DLG2: variants seen among roughly 807,000 people sequenced by gnomAD.
DLG2 encodes the protein disks large homolog 2.
A neutral mutation model predicts 132.5 loss-of-function variants in DLG2; 45 were observed. That is an observed-to-expected ratio of 0.34 (90% CI 0.27 to 0.44). DLG2 has a LOEUF of 0.44. Ranked by LOEUF, DLG2 falls within the 20% of genes least tolerant of loss-of-function variation. The probability of loss-of-function intolerance (pLI) is 1.00; values close to 1 mark genes in which losing one functional copy is unlikely to be tolerated. For synonymous variants in DLG2, 424 were observed against 419.6 expected (o/e 1.01, Z -0.13); for missense variants, 1,045 against 1,196.9 (o/e 0.87, Z 1.87).
intron 3 of DLG2, among the ~76,000 whole-genome samples, chr11:85,485,749 A>T (rs1221951271): frequency 6.6e-6 from 1 of 152,166 alleles, no homozygotes; most frequent in African/African-American, 2.4e-5. Flanking sequence ...TGACATGAGG[A>T]ACAGACTAGA....
intron 2 of DLG2, 123 bp from the exon 3 acceptor site, chr11:85,598,911 AT>A (rs1168797007): frequency 8.0e-6 from 3 of 375,336 alleles, no homozygotes; most frequent in Non-Finnish European, 9.4e-6. Flanking sequence ...AATAATCATA[AT>A]TTCTATAAAC....
chr11:84,238,042 T>TAAAAAAAAAAAAA (rs71036414), intron 8 of DLG2, among the ~76,000 whole-genome samples: 20 of 73,064 alleles, frequency 2.7e-4, no homozygotes, highest in East Asian at 7.9e-4. Context: ...AGACTCTGCC[T>TAAAAAAAAAAAAA]AAAAAAAAAA....
intron 7 of DLG2, among the ~76,000 whole-genome samples, chr11:84,281,238 T>C (rs2097851613): frequency 6.6e-6 from 1 of 152,012 alleles, no homozygotes; most frequent in Non-Finnish European, 1.5e-5. Context: ...CTTTATGACC[T>C]TGGGTTAGGT....
chr11:83,800,260 T>G (rs2043997766), intron 17 of DLG2, among the ~76,000 whole-genome samples: 1 of 152,206 alleles, frequency 6.6e-6, no homozygotes, highest in South Asian at 2.1e-4. Context: ...GGGCCTCAGT[T>G]TCTTTATCTA....
Position 83,869,187 on chromosome 11 carries a change from C to T in DLG2, c.1565+5233G>A, listed in dbSNP as rs200884565. Among the ~76,000 whole-genome samples, 29 of 152,146 alleles carry T rather than the reference C, an allele frequency of 1.9e-4. No individual in the cohort carries two copies. The East Asian group carries it at 4.8e-3, about 25-fold the overall frequency. ...GATTCAAAGATGACCTGGTGATTTTCGGATCACATTCTGCCATGATCATAT... is the reference window on the plus strand; with the variant it reads ...GATTCAAAGATGACCTGGTGATTTTTGGATCACATTCTGCCATGATCATAT... On this transcript the variant is annotated intron_variant, in intron 16 of 27. Coordinates refer to ENST00000376104, the MANE Select transcript of DLG2 (RefSeq NM_001142699.3).
chr11:83,833,633 C>T lies in DLG2; in HGVS notation c.1703G>A (p.Arg568Lys). 1.2e-6 allele frequency: 2 copies of T among 1,613,952 alleles called. No individual in the cohort carries two copies. Among genetic ancestry groups the T allele is most frequent in the Non-Finnish European group, 1.7e-6 (2 of 1,179,908 alleles). The change falls in exon 17 of 28, where the codon AGA becomes AAA. Residue 568 changes from arginine to lysine, a missense_variant. Coordinates refer to ENST00000376104, the MANE Select transcript of DLG2 (RefSeq NM_001142699.3). ...ACTCACCGATAGGATCTGGTCTCCT[C>T]TCTGGAGCTCCCCACTTAGGTCTGC... ...GPADLSGELQ[R>K]GDQILSVNGI...
chr11:84,461,292 T>C (rs1464014805), intron 7 of DLG2, among the ~76,000 whole-genome samples: 1 of 150,804 alleles, frequency 6.6e-6, no homozygotes, highest in Non-Finnish European at 1.5e-5. Flanking sequence ...AGGCTTAGAA[T>C]TTAAGATAAG....
chr11:84,697,823 T>A (rs966634436), intron 6 of DLG2, among the ~76,000 whole-genome samples: 6 of 151,466 alleles, frequency 4.0e-5, no homozygotes, highest in African/African-American at 1.5e-4. Flanking sequence ...TGATAATAAG[T>A]ACATATTAAT....
chr11:85,384,689 C>T (rs2086179098), intron 3 of DLG2, among the ~76,000 whole-genome samples: 2 of 152,116 alleles, frequency 1.3e-5, no homozygotes, highest in South Asian at 4.1e-4. Flanking sequence ...CTGCCTTAAC[C>T]CCCAAGTAGG....
At chr11:84,250,599 A>G (rs2097358973) in intron 8 of DLG2, among the ~76,000 whole-genome samples, 1 of 151,848 alleles carries the variant, frequency 6.6e-6, no homozygotes, top group South Asian at 2.1e-4. Context: ...AATGTCAACC[A>G]CTCACCCACA....
chr11:83,517,283 A>T (rs146512472), intron 21 of DLG2, among the ~76,000 whole-genome samples: 181 of 152,224 alleles, frequency 1.2e-3, no homozygotes, highest in African/African-American at 4.2e-3. Context: ...ATCTTCCATC[A>T]CTGATACCCT....
At chr11:83,578,832 A>T (rs1447764369) in intron 19 of DLG2, among the ~76,000 whole-genome samples, 2 of 152,222 alleles carry the variant, frequency 1.3e-5, no homozygotes, top group Non-Finnish European at 2.9e-5. Flanking sequence ...TGCGTATGAA[A>T]CATTTACCAA....
At chr11:83,745,797 G>A (rs1180446087) in intron 18 of DLG2, among the ~76,000 whole-genome samples, 1 of 150,872 alleles carries the variant, frequency 6.6e-6, no homozygotes, top group Non-Finnish European at 1.5e-5. Context: ...GTGAGACGCT[G>A]CCTTAAAAAA....
intron 12 of DLG2, among the ~76,000 whole-genome samples, chr11:83,970,051 A>T (rs114145806): frequency 6.6e-6 from 1 of 152,100 alleles, no homozygotes; most frequent in African/African-American, 2.4e-5. Context: ...ACACAGGGGG[A>T]ATGAGAAGTC....
chr11:83,503,049 T>TA lies in DLG2; in HGVS notation c.2194-18822dup, dbSNP rs902401913. On this transcript the variant is annotated intron_variant, in intron 21 of 27. Transcript: ENST00000376104. ...TAGGAACTGGGGCTACAATAAGCTC[T>TA]AAAAAACCTCACAATTTAATGACAG... 3.9e-5 allele frequency among the ~76,000 whole-genome samples: 6 copies of TA among 152,090 alleles called. No homozygotes were observed. In the East Asian group the frequency reaches 9.7e-4, roughly 25 times the overall value.
intron 18 of DLG2, among the ~76,000 whole-genome samples, chr11:83,698,162 CAGCTT>C: frequency 6.6e-6 from 1 of 152,140 alleles, no homozygotes; most frequent in East Asian, 1.9e-4. Context: ...TAGAGGTAAA[CAGCTT>C]AGTACAGTGC....
intron 8 of DLG2, among the ~76,000 whole-genome samples, chr11:84,171,434 T>C (rs146797321): frequency 2.1e-4 from 32 of 152,276 alleles, no homozygotes; most frequent in African/African-American, 7.0e-4. Flanking sequence ...ATGTTTATTA[T>C]TCCATACATT....
intron 19 of DLG2, among the ~76,000 whole-genome samples, chr11:83,619,002 C>A (rs943411729): frequency 2.7e-4 from 41 of 152,304 alleles, no homozygotes; most frequent in Admixed American, 1.2e-3. Context: ...TTACCCCTGA[C>A]AGCATCCTAT....
At chr11:85,035,439 A>T (rs897666265) in intron 6 of DLG2, among the ~76,000 whole-genome samples, 8 of 152,178 alleles carry the variant, frequency 5.3e-5, no homozygotes, top group African/African-American at 1.9e-4. Flanking sequence ...TCATGGCAGA[A>T]GGTGAAGGGA....
Sources: gnomAD v4.1 joint callset for allele counts (sites outside exome capture counted in the v4.1 genomes callset) on GRCh38, gnomAD v4.1.1 for gene constraint, MANE v1.5 for transcripts, NCBI Gene and HGNC (gene_info 2026-07-23, HGNC 2026-07-21) for gene names.